The following HDC variants were observed in gnomAD, a reference collection of about 807,000 sequenced individuals.
The protein encoded by HDC is histidine decarboxylase.
A neutral mutation model predicts 64.4 loss-of-function variants in HDC; 27 were observed. That is an observed-to-expected ratio of 0.42 (90% CI 0.31 to 0.58). The LOEUF (loss-of-function observed/expected upper bound fraction) is 0.58. Ranked by LOEUF, HDC falls within the 20% of genes least tolerant of loss-of-function variation. The probability of loss-of-function intolerance (pLI) is 0.16; values close to 1 mark genes in which losing one functional copy is unlikely to be tolerated. For synonymous variants in HDC, 305 were observed against 314.2 expected, an observed-to-expected ratio of 0.97 and a Z score of 0.31; for missense variants, 711 against 833.9, an observed-to-expected ratio of 0.85 and a Z score of 1.81.
Position 50,242,693 on chromosome 15 carries a change from G to C in HDC, c.1556C>G (p.Ala519Gly), listed in dbSNP as rs143383439. The change falls in exon 12 of 12, where the codon GCC (alanine) becomes GGC (glycine). Residue 519 changes from alanine to glycine, a missense_variant. Physicochemically the swap from Ala to Gly is moderately conservative, Grantham distance 60. This residue lies in a region of HDC where 483 missense variants were observed against 540.9 expected (regional missense o/e 0.89). Coordinates refer to ENST00000267845, the MANE Select transcript of HDC (RefSeq NM_002112.4). ...VSGAGDDPVQARKIIKQPQRV... is the reference protein window; with the variant it reads ...VSGAGDDPVQGRKIIKQPQRV... ...CTGAGGCTGCTTGATGATCTTCCTG[G>C]CCTGGACTGGATCATCTCCTGCCCC... The C allele has an allele frequency of 1.1e-5, 18 of 1,614,038 alleles. No homozygotes were observed. The African/African-American group carries it at 2.4e-4, about 22-fold the overall frequency.
intron 10 of HDC, among the ~76,000 whole-genome samples, chr15:50,243,504 C>T (rs2045431780): frequency 6.6e-6 from 1 of 152,224 alleles, no homozygotes; most frequent in South Asian, 2.1e-4. Context: ...AGCCCCAGAA[C>T]CCAGAAGGCA....
intron 7 of HDC, 42 bp from the exon 8 acceptor site, chr15:50,252,816 G>A: frequency 6.3e-7 from 1 of 1,580,874 alleles, no homozygotes; most frequent in South Asian, 1.1e-5. Context: ...GAGGTATGAA[G>A]TGGGGAAAGA....
At chr15:50,257,692 G>T (rs2140938873) in intron 3 of HDC, 145 bp from the exon 4 acceptor site, 9 of 878,240 alleles carry the variant, frequency 1.0e-5, no homozygotes, top group South Asian at 8.1e-5. Context: ...CCTCTCTCCT[G>T]GTCCACTCTC....
intron 2 of HDC, among the ~76,000 whole-genome samples, chr15:50,259,344 A>G (rs2045673039): frequency 6.6e-6 from 1 of 152,162 alleles, no homozygotes; most frequent in African/African-American, 2.4e-5. Context: ...TTGGGAATGT[A>G]GTGAGGAAAG....
At chr15:50,251,933 T>C (rs114054592) in intron 9 of HDC, among the ~76,000 whole-genome samples, 4,375 of 152,226 alleles carry the variant, frequency 0.029, 91 homozygotes, top group African/African-American at 0.047. Flanking sequence ...TCAGGAATGC[T>C]TGGAGGCTTC....
chr15:50,262,214 G>A (rs527677054), intron 2 of HDC, among the ~76,000 whole-genome samples: 109 of 152,224 alleles, frequency 7.2e-4, no homozygotes, highest in Non-Finnish European at 1.3e-3. Flanking sequence ...GCACCCACCA[G>A]TAGAGGTGAC....
chr15:50,246,562 G>A (rs920395409), intron 10 of HDC, among the ~76,000 whole-genome samples: 1 of 152,176 alleles, frequency 6.6e-6, no homozygotes, highest in Non-Finnish European at 1.5e-5. Context: ...AGGTCTGGAT[G>A]GGTCGATGAA....
intron 2 of HDC, among the ~76,000 whole-genome samples, chr15:50,259,373 G>C (rs544977137): frequency 1.6e-4 from 24 of 152,226 alleles, no homozygotes; most frequent in Non-Finnish European, 3.4e-4. Flanking sequence ...AGAGAGGAGA[G>C]CCCAGACCAA....
intron 3 of HDC, among the ~76,000 whole-genome samples, chr15:50,257,761 G>A (rs191191100): frequency 2.6e-5 from 4 of 152,146 alleles, no homozygotes; most frequent in Non-Finnish European, 5.9e-5. Context: ...TCAATGAGGC[G>A]AATTCTCCAA....
At chr15:50,257,619 A>T in intron 3 of HDC, 72 bp from the exon 4 acceptor site, 1 of 1,562,800 alleles carries the variant, frequency 6.4e-7, no homozygotes, top group East Asian at 2.2e-5. Context: ...CTCCAGAAAC[A>T]TGTCTGCCCC....
chr15:50,263,489 C>G, intron 1 of HDC, 82 bp from the exon 2 acceptor site: 1 of 1,346,458 alleles, frequency 7.4e-7, no homozygotes, highest in Non-Finnish European at 1.0e-6. Flanking sequence ...AGGTCCGGGC[C>G]AAGAGACTTG....
chr15:50,246,711 G>A (rs1051774957), intron 10 of HDC, among the ~76,000 whole-genome samples: 1 of 152,174 alleles, frequency 6.6e-6, no homozygotes, highest in African/African-American at 2.4e-5. Flanking sequence ...GCTAAGGGAG[G>A]TTAGTCAGGA....
chr15:50,253,193 T>G (rs2045581560), intron 7 of HDC: 2 of 371,754 alleles, frequency 5.4e-6, no homozygotes, highest in Non-Finnish European at 1.0e-5. Flanking sequence ...CCTCTCTGCC[T>G]TTAATCTCTC....
At chr15:50,263,657 G>T (rs540366549) in intron 1 of HDC, among the ~76,000 whole-genome samples, 1 of 152,070 alleles carries the variant, frequency 6.6e-6, no homozygotes, top group African/African-American at 2.4e-5. Context: ...AAAATTAGCC[G>T]GGCGTGGTGG....
At chr15:50,254,889 C>T (rs2045611342) in intron 4 of HDC, among the ~76,000 whole-genome samples, 1 of 152,068 alleles carries the variant, frequency 6.6e-6, no homozygotes. Context: ...TCCTATTCTG[C>T]CTTCTAAAAT....
At position 50,254,205 on chromosome 15, in the gene HDC, G is replaced by A. The variant is rs761199216; in HGVS notation, c.645C>T (p.Asp215=). Residue 215 remains aspartate, a synonymous_variant, in exon 6 of 12, where the codon GAC becomes GAT. Transcript: ENST00000267845. The part of the protein sequence containing the change: ...LVKMKFLPVD[D]NFSLRGEALQ... ...GAGCTTCCCCTCGGAGTGAGAAGTT[G>A]TCATCCACAGGCAGAAATTTCATCT... 4.3e-6 allele frequency: 7 copies of A among 1,614,068 alleles called. No homozygotes were observed. Among genetic ancestry groups the A allele is most frequent in the Non-Finnish European group, 5.9e-6 (7 of 1,180,020 alleles).
intron 11 of HDC, 46 bp downstream of exon 11, chr15:50,243,097 G>A (rs2045425427): frequency 6.2e-7 from 1 of 1,611,418 alleles, no homozygotes; most frequent in African/African-American, 1.3e-5. Context: ...AGGCTCTGGA[G>A]CACCACAAGA....
At position 50,254,552 on chromosome 15, in the gene HDC, A is replaced by AT. The variant is rs770100944; in HGVS notation, c.553_554insA (p.Leu185HisfsTer7). On this transcript the variant is annotated frameshift_variant, in exon 5 of 12. Coordinates refer to ENST00000267845, the MANE Select transcript of HDC (RefSeq NM_002112.4). LOFTEE classifies it high-confidence loss of function. ...CACCTGGTCAGAGGCATAGGCCACGAGTCGGGCATTTAGGCAGGACTCATC... is the reference window on the plus strand; with the variant it reads ...CACCTGGTCAGAGGCATAGGCCACGATGTCGGGCATTTAGGCAGGACTCATC... The AT allele has an allele frequency of 1.9e-6, 3 of 1,614,258 alleles. No homozygotes were observed. The highest frequency in any genetic ancestry group is 2.5e-6 in the Non-Finnish European group (3 of 1,180,044).
At chr15:50,257,815 G>A (rs562933771) in intron 3 of HDC, among the ~76,000 whole-genome samples, 4 of 152,278 alleles carry the variant, frequency 2.6e-5, no homozygotes, top group Middle Eastern at 3.4e-3. Flanking sequence ...GCTTGGATTT[G>A]GTTCTCCAAG....
Sources: allele counts gnomAD v4.1 joint callset (sites outside exome capture counted in the v4.1 genomes callset), GRCh38; gene constraint gnomAD v4.1.1; regional missense constraint gnomAD v4.1.1; transcripts MANE v1.5; gene names NCBI Gene and HGNC (gene_info 2026-07-23, HGNC 2026-07-21).